The following IDE variants were observed in gnomAD, a reference collection of about 807,000 sequenced individuals.
The protein encoded by IDE is insulin-degrading enzyme.
Under a neutral mutation model 133.2 loss-of-function variants are expected in IDE, and 58 were observed. The ratio of observed to expected loss-of-function variants is 0.44; its 90% CI spans 0.35 to 0.54. IDE has a LOEUF of 0.54. Among genes scored for constraint, IDE ranks in the 20% least tolerant of loss-of-function variants. The pLI is 0.00. For synonymous variants in IDE, 396 were observed against 421.3 expected (o/e 0.94, Z 0.73); for missense variants, 981 against 1,234.0 (o/e 0.79, Z 3.07).
chr10:92,456,020 T>C (rs1180923173), intron 23 of IDE, among the ~76,000 whole-genome samples: 3 of 152,168 alleles, frequency 2.0e-5, no homozygotes, highest in Non-Finnish European at 4.4e-5. Context: ...AGGACAAACT[T>C]TGGCCAGTAA....
intron 4 of IDE, among the ~76,000 whole-genome samples, chr10:92,529,151 T>C (rs1446050151): frequency 6.6e-6 from 1 of 151,998 alleles, no homozygotes. Context: ...CACAAAAACA[T>C]CTGAGGCCAA....
chr10:92,556,586 T>C (rs1843021372), intron 1 of IDE, among the ~76,000 whole-genome samples: 1 of 151,982 alleles, frequency 6.6e-6, no homozygotes, highest in South Asian at 2.1e-4. Context: ...GGTGAAACCC[T>C]GTCTCTACTA....
rs201712709 is a variant in IDE at position 92,487,277 on chromosome 10, A to C, written c.1575T>G (p.Pro525=). The change falls in exon 13 of 25, where the codon CCT becomes CCG. Residue 525 remains proline (P), a synonymous_variant. Coordinates refer to ENST00000265986, the MANE Select transcript of IDE (RefSeq NM_004969.4). ...NADLNGKFKL[P]TKNEFIPTNF... The stretch of plus-strand genomic sequence containing the variant: ...TCGTAGGAATAAATTCATTCTTTGT[A>C]GGAAGTTTAAATTTCCCATTCAGGT... 20 of 1,612,404 alleles carry C rather than the reference A, an allele frequency of 1.2e-5. No homozygotes were observed. In the East Asian group the frequency reaches 4.2e-4, roughly 34 times the overall value.
At chr10:92,469,015 A>G (rs1273300472) in intron 18 of IDE, 25 bp from the exon 19 acceptor site, 1 of 1,276,846 alleles carries the variant, frequency 7.8e-7, no homozygotes. Context: ...ATGTCCCAGC[A>G]TATTACAAAA....
chr10:92,530,765 T>C (rs1589487292), intron 4 of IDE, among the ~76,000 whole-genome samples: 1 of 152,354 alleles, frequency 6.6e-6, no homozygotes, highest in East Asian at 1.9e-4. Context: ...AAGAATATAA[T>C]ATCACTGCTT....
At chr10:92,566,225 G>C (rs1215793024) in intron 1 of IDE, among the ~76,000 whole-genome samples, 1 of 151,602 alleles carries the variant, frequency 6.6e-6, no homozygotes, top group Non-Finnish European at 1.5e-5. Context: ...AAATTAGCCA[G>C]GTATGGTGGT....
intron 9 of IDE, 50 bp from the exon 10 acceptor site, chr10:92,506,572 C>A (rs756191936): frequency 3.5e-6 from 3 of 857,664 alleles, no homozygotes; most frequent in Non-Finnish European, 5.6e-6. Context: ...TATTTAGAAA[C>A]CTTTTTTTTT....
At chr10:92,484,324 T>C (rs1589401225) in intron 13 of IDE, among the ~76,000 whole-genome samples, 2 of 152,020 alleles carry the variant, frequency 1.3e-5, no homozygotes, top group Admixed American at 6.6e-5. Flanking sequence ...GGCAGGAGAA[T>C]AGTTTGAACC....
At chr10:92,462,676 G>C (rs1217485835) in intron 21 of IDE, among the ~76,000 whole-genome samples, 1 of 152,192 alleles carries the variant, frequency 6.6e-6, no homozygotes, top group East Asian at 1.9e-4. Flanking sequence ...GGCCAGCCTG[G>C]ATTCACATCC....
chr10:92,490,145 C>T (rs1180857810), intron 12 of IDE, among the ~76,000 whole-genome samples: 1 of 152,248 alleles, frequency 6.6e-6, no homozygotes, highest in Non-Finnish European at 1.5e-5. Context: ...CACAGCAAGA[C>T]TGTGAGCTCT....
At chr10:92,522,092 G>T (rs1036914683) in intron 4 of IDE, among the ~76,000 whole-genome samples, 3 of 152,076 alleles carry the variant, frequency 2.0e-5, no homozygotes, top group Non-Finnish European at 4.4e-5. Flanking sequence ...AAGAAAAGAG[G>T]AAATAAGGGT....
intron 4 of IDE, among the ~76,000 whole-genome samples, chr10:92,524,957 C>T (rs1445525770): frequency 6.7e-6 from 1 of 149,792 alleles, no homozygotes; most frequent in Non-Finnish European, 1.5e-5. Flanking sequence ...ATATACAAAT[C>T]AATAAACATG....
At chr10:92,501,811 C>T (rs994999515) in intron 11 of IDE, among the ~76,000 whole-genome samples, 1 of 151,894 alleles carries the variant, frequency 6.6e-6, no homozygotes. Flanking sequence ...CCCATCTCTA[C>T]TAAAAATAAA....
chr10:92,454,962 T>C (rs2135287098), intron 24 of IDE, among the ~76,000 whole-genome samples: 1 of 152,208 alleles, frequency 6.6e-6, no homozygotes, highest in South Asian at 2.1e-4. Context: ...AATACGCAGG[T>C]AACATGGGAG....
At chr10:92,521,223 G>C (rs1419911667) in intron 4 of IDE, among the ~76,000 whole-genome samples, 1 of 152,094 alleles carries the variant, frequency 6.6e-6, no homozygotes, top group Non-Finnish European at 1.5e-5. Flanking sequence ...ATCAATATTT[G>C]CAACATCATA....
At chr10:92,550,365 T>C (rs1011692408) in intron 1 of IDE, among the ~76,000 whole-genome samples, 4 of 152,110 alleles carry the variant, frequency 2.6e-5, no homozygotes, top group African/African-American at 9.7e-5. Context: ...CCAAAGAAGA[T>C]ATACAAATGG....
At chr10:92,520,283 A>T (rs1394166044) in intron 4 of IDE, among the ~76,000 whole-genome samples, 2 of 152,210 alleles carry the variant, frequency 1.3e-5, no homozygotes, top group Non-Finnish European at 2.9e-5. Context: ...CAACTATTTT[A>T]AATTCTGTTT....
chr10:92,518,101 T>C (rs1003143026), intron 4 of IDE, among the ~76,000 whole-genome samples: 1 of 152,124 alleles, frequency 6.6e-6, no homozygotes, highest in South Asian at 2.1e-4. Flanking sequence ...TGGAGAATGT[T>C]TGAAGTTCTC....
Position 92,463,849 on chromosome 10 carries a change from G to A in IDE, c.2643C>T (p.Ala881=), listed in dbSNP as rs995278812. 4 of 1,614,006 alleles carry A rather than the reference G, an allele frequency of 2.5e-6. No homozygotes were observed. In the African/African-American group the frequency reaches 4.0e-5, roughly 16 times the overall value. The change falls in exon 21 of 25, where the codon GCC becomes GCT. Residue 881 remains alanine (A), a synonymous_variant. Coordinates refer to ENST00000265986, the MANE Select transcript of IDE (RefSeq NM_004969.4). Reference sequence around the variant, plus strand: ...CTAATGCCTGAATGTGTTTTTGGAAGGCCTCTTCTGTCATGTCCTCTATGG... The same window carrying A: ...CTAATGCCTGAATGTGTTTTTGGAAAGCCTCTTCTGTCATGTCCTCTATGG... ...EKSIEDMTEE[A]FQKHIQALAI...
Sources: allele counts gnomAD v4.1 joint callset (sites outside exome capture counted in the v4.1 genomes callset), GRCh38; gene constraint gnomAD v4.1.1; transcripts MANE v1.5; gene names NCBI Gene and HGNC (gene_info 2026-07-23, HGNC 2026-07-21).